The following MED12L variants were observed in gnomAD, a reference collection of about 807,000 sequenced individuals.
MED12L encodes mediator complex subunit 12L, also known as mediator of RNA polymerase II transcription subunit 12-like protein.
Under a neutral mutation model 281.3 loss-of-function variants are expected in MED12L, and 60 were observed. The ratio of observed to expected loss-of-function variants is 0.21; its 90% CI spans 0.17 to 0.26. The LOEUF (loss-of-function observed/expected upper bound fraction) is 0.26. Ranked by LOEUF, MED12L falls within the 10% of genes least tolerant of loss-of-function variation. The pLI is 1.00. For synonymous variants in MED12L, 974 were observed against 987.2 expected, an observed-to-expected ratio of 0.99 and a Z score of 0.25; for missense variants, 2,146 against 2,680.9, an observed-to-expected ratio of 0.80 and a Z score of 4.41.
intron 16 of MED12L, chr3:151,199,020 A>G: frequency 6.2e-7 from 1 of 1,614,186 alleles, no homozygotes; most frequent in Non-Finnish European, 8.5e-7. Context: ...TGTATTCGGT[A>G]GATCTTGCAG....
At chr3:151,182,472 C>G (rs1200868317) in intron 11 of MED12L, among the ~76,000 whole-genome samples, 1 of 152,162 alleles carries the variant, frequency 6.6e-6, no homozygotes, top group Admixed American at 6.5e-5. Flanking sequence ...AATGAAATAG[C>G]ATGACGTTTG....
At chr3:151,204,576 G>C (rs183478338) in intron 16 of MED12L, among the ~76,000 whole-genome samples, 2 of 152,296 alleles carry the variant, frequency 1.3e-5, no homozygotes, top group African/African-American at 4.8e-5. Flanking sequence ...TTTCTTTTAA[G>C]ATATGTATGC....
intron 32 of MED12L, 146 bp downstream of exon 32, chr3:151,380,370 G>C (rs1712044466): frequency 1.9e-6 from 1 of 531,470 alleles, no homozygotes; most frequent in Non-Finnish European, 3.2e-6. Flanking sequence ...GCGGAGGCTG[G>C]TGGATCACCT....
At chr3:151,139,338 C>T (rs1716594844) in intron 5 of MED12L, among the ~76,000 whole-genome samples, 1 of 152,140 alleles carries the variant, frequency 6.6e-6, no homozygotes, top group Non-Finnish European at 1.5e-5. Flanking sequence ...TATTAGAAAC[C>T]AAGAGTTGAG....
chr3:151,287,393 G>T (rs192219158), intron 16 of MED12L, among the ~76,000 whole-genome samples: 196 of 152,286 alleles, frequency 1.3e-3, no homozygotes, highest in African/African-American at 4.4e-3. Context: ...GACCTGCCTT[G>T]TCTATTTCTG....
intron 16 of MED12L, among the ~76,000 whole-genome samples, chr3:151,238,222 C>T (rs1452971282): frequency 3.3e-5 from 5 of 152,102 alleles, no homozygotes; most frequent in African/African-American, 1.2e-4. Flanking sequence ...TCTTGGCTCA[C>T]TGCATCCTCC....
Position 151,434,348 on chromosome 3 carries a change from C to CTAT in MED12L, c.*1544_*1545insTAT, listed in dbSNP as rs1376746004. ...AAAGTTTGACTCATGCAAATGACCT[C>CTAT]AAATACATGTCAGCTTACTTTGCTG... On this transcript the variant is annotated 3_prime_UTR_variant, in exon 45 of 45. Coordinates refer to ENST00000687756, the MANE Select transcript of MED12L (RefSeq NM_001393769.1). The CTAT allele has an allele frequency of 6.6e-6, 1 of 152,138 alleles. No homozygotes were observed. Among genetic ancestry groups the CTAT allele is most frequent in the Non-Finnish European group, 1.5e-5 (1 of 68,028 alleles). 9.4% of individuals were successfully genotyped at this position (152,138 alleles called of 1,614,324 possible).
At chr3:151,293,576 TACACACAC>T (rs55846173) in intron 16 of MED12L, among the ~76,000 whole-genome samples, 409 of 76,220 alleles carry the variant, frequency 5.4e-3, no homozygotes, top group South Asian at 7.5e-3. Flanking sequence ...ATGAAGCCCT[TACACACAC>T]ACACACACAC....
chr3:151,172,730 A>G (rs1721587057), intron 11 of MED12L, among the ~76,000 whole-genome samples: 1 of 152,224 alleles, frequency 6.6e-6, no homozygotes, highest in Non-Finnish European at 1.5e-5. Flanking sequence ...ATAAGGCAAA[A>G]GTCAAGCAAG....
At chr3:151,177,966 G>A (rs564767184) in intron 11 of MED12L, among the ~76,000 whole-genome samples, 10 of 151,854 alleles carry the variant, frequency 6.6e-5, no homozygotes, top group African/African-American at 2.4e-4. Flanking sequence ...CTCCCCTCAA[G>A]CCTACCTCTT....
chr3:151,426,292 C>T (rs1020809302), intron 43 of MED12L, among the ~76,000 whole-genome samples: 4 of 152,096 alleles, frequency 2.6e-5, no homozygotes, highest in African/African-American at 9.7e-5. Context: ...TTTAAATTTC[C>T]CCCAGTGATT....
At chr3:151,351,973 G>A (rs997274118) in intron 17 of MED12L, among the ~76,000 whole-genome samples, 1 of 152,202 alleles carries the variant, frequency 6.6e-6, no homozygotes, top group Non-Finnish European at 1.5e-5. Context: ...TTGAGAAACA[G>A]GTGAGGTATT....
intron 2 of MED12L, among the ~76,000 whole-genome samples, chr3:151,099,690 A>T (rs1353823759): frequency 6.6e-6 from 1 of 152,082 alleles, no homozygotes; most frequent in African/African-American, 2.4e-5. Flanking sequence ...ACTTGTTTAG[A>T]CTGTTGGGTA....
At chr3:151,093,210 A>G (rs1319759087) in intron 2 of MED12L, among the ~76,000 whole-genome samples, 1 of 152,162 alleles carries the variant, frequency 6.6e-6, no homozygotes, top group Non-Finnish European at 1.5e-5. Flanking sequence ...AGGTCAAGGT[A>G]GGAGGATCAC....
chr3:151,178,846 A>G lies in MED12L; in HGVS notation c.1495-6484A>G, dbSNP rs201284311. Among the ~76,000 whole-genome samples, 4 of 152,162 alleles carry G rather than the reference A, an allele frequency of 2.6e-5. No individual in the cohort carries two copies. The East Asian group carries it at 7.7e-4, about 29-fold the overall frequency. On this transcript the variant is annotated intron_variant, in intron 11 of 44. Coordinates refer to ENST00000687756, the MANE Select transcript of MED12L (RefSeq NM_001393769.1). Reference sequence around the variant, plus strand: ...CCTGTAAATTTGGTAATCTATCATCATTATTGATTTTCAGTGTGATTAAAC... The same window carrying G: ...CCTGTAAATTTGGTAATCTATCATCGTTATTGATTTTCAGTGTGATTAAAC...
chr3:151,232,225 CT>C (rs1472800990), intron 16 of MED12L, among the ~76,000 whole-genome samples: 1 of 152,168 alleles, frequency 6.6e-6, no homozygotes, highest in Non-Finnish European at 1.5e-5. Context: ...CCAAAGTAGT[CT>C]TTACTTAAAA....
At chr3:151,402,764 A>G (rs1715844135) in intron 39 of MED12L, among the ~76,000 whole-genome samples, 1 of 152,238 alleles carries the variant, frequency 6.6e-6, no homozygotes, top group South Asian at 2.1e-4. Flanking sequence ...GATGTTTGAC[A>G]TATGAATTAA....
chr3:151,170,695 A>C (rs1268538266), intron 11 of MED12L, among the ~76,000 whole-genome samples: 1 of 152,316 alleles, frequency 6.6e-6, no homozygotes, highest in East Asian at 1.9e-4. Flanking sequence ...TAAAAATCTC[A>C]AAAACCTGAG....
At chr3:151,101,082 C>T (rs918495669) in intron 2 of MED12L, among the ~76,000 whole-genome samples, 1 of 152,146 alleles carries the variant, frequency 6.6e-6, no homozygotes, top group African/African-American at 2.4e-5. Flanking sequence ...TTAGTTTTTG[C>T]ACATTTTATG....
Sources: allele counts gnomAD v4.1 joint callset (sites outside exome capture counted in the v4.1 genomes callset), GRCh38; gene constraint gnomAD v4.1.1; transcripts MANE v1.5; gene names NCBI Gene and HGNC (gene_info 2026-07-23, HGNC 2026-07-21).